Variants in SFPQ observed in about 807,000 individuals in gnomAD.
The protein encoded by SFPQ is splicing factor, proline- and glutamine-rich.
In SFPQ, 11 loss-of-function variants were observed where a neutral mutation model predicts 72.9. The observed-to-expected ratio is 0.15, with a 90% CI of 0.09 to 0.25. The LOEUF (loss-of-function observed/expected upper bound fraction) is 0.25, where lower values mean the gene tolerates loss of function less well. SFPQ is among the 10% of genes least tolerant of loss of function. SFPQ has a pLI of 1.00. For synonymous variants in SFPQ, 506 were observed against 367.3 expected, an observed-to-expected ratio of 1.38 and a Z score of -4.32; for missense variants, 847 against 993.3, an observed-to-expected ratio of 0.85 and a Z score of 1.98.
At position 35,187,065 on chromosome 1, in the gene SFPQ, C is replaced by T; in HGVS notation, c.1922G>A (p.Gly641Asp). Residue 641 changes from glycine (G) to aspartate (D), a missense_variant, in exon 9 of 10, where the codon GGT becomes GAT. Transcript: ENST00000357214. ...FPPLGGGGGI[G>D]YEANPGVPPA... ...TGGAACGCCAGGATTAGCTTCATAA[C>T]CTATGCCACCACCACCTCCTAGAGG... 1.2e-6 allele frequency: 2 copies of T among 1,614,134 alleles called. No individual in the cohort carries two copies. Among genetic ancestry groups the T allele is most frequent in the Non-Finnish European group, 1.7e-6 (2 of 1,179,988 alleles).
At position 35,184,019 on chromosome 1, in the gene SFPQ, T is replaced by C. The variant is rs994004340; in HGVS notation, c.*437A>G. 4.7e-6 allele frequency: 5 copies of C among 1,057,430 alleles called. No individual in the cohort carries two copies. Among genetic ancestry groups the C allele is most frequent in the South Asian group, 4.5e-5 (1 of 22,034 alleles). 65.5% of individuals were successfully genotyped at this position (1,057,430 alleles called of 1,614,324 possible). A position where few individuals can be genotyped will look rare whatever the true frequency, so the allele number is the denominator to read the frequency against. On this transcript the variant is annotated 3_prime_UTR_variant, in exon 10 of 10. Coordinates refer to ENST00000357214, the MANE Select transcript of SFPQ (RefSeq NM_005066.3). The stretch of plus-strand genomic sequence containing the variant: ...AGCCTCCAGATGCATTTCCCAGAAA[T>C]GGCATATGCCATTCAAAGGCCTAGA...
In SFPQ at chr1:35,192,501, G is replaced by A; in HGVS notation, c.549C>T (p.Gly183=). 1.1e-5 allele frequency: 14 copies of A among 1,326,336 alleles called. No individual in the cohort carries two copies. Among genetic ancestry groups the A allele is most frequent in the Non-Finnish European group, 1.2e-5 (13 of 1,045,046 alleles). The allele number at this position is 1,326,336 out of a possible 1,614,324, so 82.2% of individuals were successfully genotyped here. The part of the protein sequence containing the change: ...GVPTTPPQAG[G]PPPPPAAVPG... ...GGACTGCCGCGGGCGGAGGCGGCGG[G>A]CCTCCGGCCTGAGGAGGTGTGGTAG... The change falls in exon 1 of 10, where the codon GGC becomes GGT. Residue 183 remains glycine (G), a synonymous_variant. Transcript: ENST00000357214.
At chr1:35,176,610 C>T (rs898536488) in intron 5 of SFPQ, 1 of 152,186 alleles carries the variant, frequency 6.6e-6, no homozygotes, top group Non-Finnish European at 1.5e-5. Flanking sequence ...TGGCTCACGC[C>T]TGCAATCCCA....
Position 35,192,371 on chromosome 1 carries a change from G to C in SFPQ, c.679C>G (p.Pro227Ala), listed in dbSNP as rs1299281231. The change falls in exon 1 of 10, where the codon CCT becomes GCT. Residue 227 changes from proline to alanine, a missense_variant. Physicochemically the swap from Pro to Ala is conservative, Grantham distance 27. Coordinates refer to ENST00000357214, the MANE Select transcript of SFPQ (RefSeq NM_005066.3). ...KPGGGPGLST[P>A]GGHPKPPHRG... ...TGCGGCGGCTTGGGGTGGCCGCCAGGCGTACTTAGGCCCGGGCCGCCACCT... is the reference window on the plus strand; with the variant it reads ...TGCGGCGGCTTGGGGTGGCCGCCAGCCGTACTTAGGCCCGGGCCGCCACCT... 2 of 1,391,176 alleles carry C rather than the reference G, an allele frequency of 1.4e-6. No individual in the cohort carries two copies. Among genetic ancestry groups the C allele is most frequent in the Admixed American group, 7.5e-5 (2 of 26,620 alleles). The allele number at this position is 1,391,176 out of a possible 1,614,324, so 86.2% of individuals were successfully genotyped here.
In SFPQ at chr1:35,192,825, C is replaced by T. The variant is rs1258410395; in HGVS notation, c.225G>A (p.Gln75=). The stretch of plus-strand genomic sequence containing the variant: ...GTGGCGGCTGCTGCGGCGGTGGCTG[C>T]TGCGGTGGTGGCTGTTGCTGCTGTT... ...PHQQQQQPPP[Q]QPPPQQPPPH... The change falls in exon 1 of 10, where the codon CAG becomes CAA. Residue 75 remains glutamine (Q), a synonymous_variant. Transcript: ENST00000357214. 1.2e-5 allele frequency: 18 copies of T among 1,512,966 alleles called. No homozygotes were observed. Among genetic ancestry groups the T allele is most frequent in the East Asian group, 2.6e-5 (1 of 38,408 alleles). 93.7% of individuals were successfully genotyped at this position (1,512,966 alleles called of 1,614,324 possible).
At chr1:35,182,402 A>T (rs1639506567), downstream of SFPQ, 1 of 985,238 alleles carries the variant, frequency 1.0e-6, no homozygotes, top group Admixed American at 6.1e-5. Flanking sequence ...CATATTTCCG[A>T]GTGTGCTGGT....
downstream of SFPQ, chr1:35,180,120 G>A (rs897657815): frequency 1.6e-5 from 17 of 1,048,878 alleles, no homozygotes; most frequent in African/African-American, 2.7e-4. Context: ...ATACACAGAA[G>A]AAAAGTCTCA....
intron 9 of SFPQ, among the ~76,000 whole-genome samples, chr1:35,185,888 AT>A (rs1639691493): frequency 6.6e-6 from 1 of 152,330 alleles, no homozygotes; most frequent in East Asian, 1.9e-4. Flanking sequence ...GCTACCTGTT[AT>A]CTAGAATATA....
downstream of SFPQ, chr1:35,180,268 TG>T: frequency 9.5e-7 from 1 of 1,050,648 alleles, no homozygotes; most frequent in Non-Finnish European, 1.1e-6. Context: ...AAGTGAGGTC[TG>T]GAACAACAGT....
rs531607027 is a variant in SFPQ at position 35,189,743 on chromosome 1, G to A, written c.1416-361C>T. On this transcript the variant is annotated intron_variant, in intron 4 of 9. Coordinates refer to ENST00000357214, the MANE Select transcript of SFPQ (RefSeq NM_005066.3). ...GCAGGTGGATCACCTGAGGTCATGA[G>A]TTTAAGACCCATCTGGCCAACATGA... Among the ~76,000 whole-genome samples, 13 of 152,254 alleles carry A rather than the reference G, an allele frequency of 8.5e-5. No individual in the cohort carries two copies. The East Asian group carries it at 2.1e-3, about 25-fold the overall frequency.
intron 4 of SFPQ, among the ~76,000 whole-genome samples, chr1:35,190,095 T>C (rs116322897): frequency 0.023 from 3,462 of 152,076 alleles, 133 homozygotes; most frequent in African/African-American, 0.079. Context: ...AGCCCATCTC[T>C]ACTAAAAATA....
At chr1:35,189,505 C>A in intron 4 of SFPQ, 123 bp from the exon 5 acceptor site, 1 of 660,180 alleles carries the variant, frequency 1.5e-6, no homozygotes, top group Non-Finnish European at 2.5e-6. Context: ...AAAAATTTTC[C>A]TGATTCATCT....
In SFPQ at chr1:35,191,476, T is replaced by G; in HGVS notation, c.882A>C (p.Thr294=). The G allele has an allele frequency of 6.2e-7, 1 of 1,614,202 alleles. No homozygotes were observed. Among genetic ancestry groups the G allele is most frequent in the Non-Finnish European group, 8.5e-7 (1 of 1,180,026 alleles). Residue 294 remains threonine, a synonymous_variant, in exon 2 of 10, where the codon ACA becomes ACC. Coordinates refer to ENST00000357214, the MANE Select transcript of SFPQ (RefSeq NM_005066.3). ...TCCCAACAAACAACCGACATCGCTG[T>G]GTGTAAGTTTTCTCTCCAGGCCTCC... ...LLRRPGEKTY[T]QRCRLFVGNL...
downstream of SFPQ, chr1:35,182,144 G>T: frequency 1.0e-6 from 1 of 985,324 alleles, no homozygotes; most frequent in Non-Finnish European, 1.2e-6. Context: ...TTTATAGGCA[G>T]ATTTTCCCAT....
rs1639569826 is a variant in SFPQ, at chr1:35,183,528, C to A, written c.*928G>T. Reference sequence around the variant, plus strand: ...CACCGCGCCCGGCCCAGTTACTAAACCTTCTTACTTTCAAGTTTTGTTTTT... The same window carrying A: ...CACCGCGCCCGGCCCAGTTACTAAAACTTCTTACTTTCAAGTTTTGTTTTT... On this transcript the variant is annotated 3_prime_UTR_variant, in exon 10 of 10. Coordinates refer to ENST00000357214, the MANE Select transcript of SFPQ (RefSeq NM_005066.3). The A allele has an allele frequency of 9.9e-7, 1 of 1,014,176 alleles. No individual in the cohort carries two copies. 62.8% of individuals were successfully genotyped at this position (1,014,176 alleles called of 1,614,324 possible).
chr1:35,182,917 T>TA (rs1639530498), downstream of SFPQ: 1 of 1,045,568 alleles, frequency 9.6e-7, no homozygotes, highest in East Asian at 5.7e-5. Context: ...AGTTGACAAT[T>TA]AACTGACAAC....
chr1:35,178,000 G>A (rs1639317613), downstream of SFPQ: 4 of 1,278,414 alleles, frequency 3.1e-6, no homozygotes, highest in Non-Finnish European at 3.0e-6. Context: ...TCATGTGAAT[G>A]AGCACTCCAA....
chr1:35,187,835 A>C (rs1168387681), intron 7 of SFPQ, 138 bp downstream of exon 7: 1 of 663,420 alleles, frequency 1.5e-6, no homozygotes, highest in African/African-American at 1.8e-5. Context: ...CCATACAAGG[A>C]AATCAAACAT....
At chr1:35,186,538 T>C (rs1473185258) in intron 9 of SFPQ, among the ~76,000 whole-genome samples, 1 of 152,120 alleles carries the variant, frequency 6.6e-6, no homozygotes, top group Non-Finnish European at 1.5e-5. Flanking sequence ...CCACACCAAA[T>C]ATAGGTCAAA....
Sources: allele counts gnomAD v4.1 joint callset (sites outside exome capture counted in the v4.1 genomes callset), GRCh38; gene constraint gnomAD v4.1.1; transcripts MANE v1.5; gene names NCBI Gene and HGNC (gene_info 2026-07-23, HGNC 2026-07-21).